LRRFIP1: variants seen among roughly 807,000 people sequenced by gnomAD.
LRRFIP1 encodes LRR binding FLII interacting protein 1.
In LRRFIP1, 62 loss-of-function variants were observed where a neutral mutation model predicts 104.4. The ratio of observed to expected loss-of-function variants is 0.59; its 90% CI spans 0.48 to 0.73. LRRFIP1 has a LOEUF of 0.73. Ranked by LOEUF, LRRFIP1 falls within the 30% of genes least tolerant of loss-of-function variation. The probability of loss-of-function intolerance (pLI) is 0.00; values close to 1 mark genes in which losing one functional copy is unlikely to be tolerated. For synonymous variants in LRRFIP1, 300 were observed against 299.0 expected (o/e 1.00, Z -0.03); for missense variants, 796 against 824.5 (o/e 0.97, Z 0.42).
At chr2:237,723,696 T>C (rs2094616762) in intron 7 of LRRFIP1, 110 bp downstream of exon 7, 3 of 1,376,408 alleles carry the variant, frequency 2.2e-6, no homozygotes, top group South Asian at 1.2e-5. Flanking sequence ...AGTTTTTGCC[T>C]GGGGGGCTAT....
At chr2:237,656,417 A>G (rs1210592022) in intron 1 of LRRFIP1, among the ~76,000 whole-genome samples, 1 of 152,202 alleles carries the variant, frequency 6.6e-6, no homozygotes, top group Non-Finnish European at 1.5e-5. Context: ...CAATTTGTGA[A>G]ATATATGGTT....
At chr2:237,725,077 G>A (rs1278268528) in intron 7 of LRRFIP1, among the ~76,000 whole-genome samples, 1 of 152,308 alleles carries the variant, frequency 6.6e-6, no homozygotes. Flanking sequence ...ACAAGTTACC[G>A]TTTTCATAGG....
chr2:237,757,224 T>C (rs534443593), intron 16 of LRRFIP1, among the ~76,000 whole-genome samples: 15 of 152,348 alleles, frequency 9.8e-5, no homozygotes, highest in African/African-American at 2.2e-4. Context: ...GTTCTTTAAC[T>C]GCTGCCTTGA....
At chr2:237,692,584 G>C in intron 1 of LRRFIP1, 5 of 1,447,572 alleles carry the variant, frequency 3.5e-6, no homozygotes, top group Non-Finnish European at 4.6e-6. Context: ...GGGGCTTCCA[G>C]CTCGTTCCGA....
intron 11 of LRRFIP1, among the ~76,000 whole-genome samples, chr2:237,744,962 A>G (rs2057626852): frequency 1.3e-5 from 2 of 152,204 alleles, no homozygotes; most frequent in East Asian, 1.9e-4. Context: ...CACCTCCTCC[A>G]GGCCCCCACA....
chr2:237,692,425 C>G, intron 1 of LRRFIP1: 1 of 1,490,822 alleles, frequency 6.7e-7, no homozygotes, highest in Non-Finnish European at 9.0e-7. Flanking sequence ...CGAGCATTTC[C>G]CGCCGGGTGG....
In LRRFIP1 at chr2:237,772,859, C is replaced by T; in HGVS notation, c.1628-7C>T. ...TTAACAGATTTTCCTTCTCTTTCAACCTTTAGGGGATGCCAACAGACAGAT... is the reference window on the plus strand; with the variant it reads ...TTAACAGATTTTCCTTCTCTTTCAATCTTTAGGGGATGCCAACAGACAGAT... On this transcript the variant is annotated splice_region_variant and splice_polypyrimidine_tract_variant and intron_variant, in intron 21 of 23. Coordinates refer to ENST00000308482, the MANE Select transcript of LRRFIP1 (RefSeq NM_001137550.2). 5.6e-6 allele frequency: 9 copies of T among 1,608,144 alleles called. 1 individual carries two copies. The highest frequency in any genetic ancestry group is 1.7e-4 in the Middle Eastern group (1 of 6,050).
chr2:237,660,610 G>A (rs982687556), intron 1 of LRRFIP1, among the ~76,000 whole-genome samples: 7 of 152,234 alleles, frequency 4.6e-5, no homozygotes, highest in African/African-American at 1.7e-4. Flanking sequence ...CTACTCCCAT[G>A]ATATGAAATT....
chr2:237,651,892 C>T (rs1013812672), intron 1 of LRRFIP1, among the ~76,000 whole-genome samples: 1 of 152,214 alleles, frequency 6.6e-6, no homozygotes, highest in African/African-American at 2.4e-5. Context: ...GTACTTTGCA[C>T]GGGTAGCCTC....
intron 11 of LRRFIP1, among the ~76,000 whole-genome samples, chr2:237,747,742 G>A (rs2150581861): frequency 6.6e-6 from 1 of 152,174 alleles, no homozygotes. Flanking sequence ...GGCATGATGG[G>A]GAAAACATGA....
At position 237,763,171 on chromosome 2, in the gene LRRFIP1, G is replaced by A. The variant is rs758890170; in HGVS notation, c.1459+2966G>A. On this transcript the variant is annotated intron_variant, in intron 19 of 23. Transcript: ENST00000308482. ...ACCAGGAAGCAGCTGAGCCCAAGGA[G>A]GTTCCAGCGCACAGTACAGAAGTAG... 11 of 1,614,058 alleles carry A rather than the reference G, an allele frequency of 6.8e-6. No individual in the cohort carries two copies. In the Admixed American group the frequency reaches 1.8e-4, roughly 27 times the overall value.
chr2:237,666,785 TTCTTTC>T (rs2089385483), intron 1 of LRRFIP1, among the ~76,000 whole-genome samples: 36 of 57,082 alleles, frequency 6.3e-4, no homozygotes, highest in Non-Finnish European at 1.2e-3. Context: ...CTCTGTCTCT[TTCTTTC>T]TCTTTCTCTT....
chr2:237,778,574 CTTG>C (rs757795244), intron 23 of LRRFIP1, among the ~76,000 whole-genome samples: 36 of 152,226 alleles, frequency 2.4e-4, no homozygotes, highest in Admixed American at 2.0e-4. Context: ...AGGCTCAGCT[CTTG>C]TTGTTTGTGT....
chr2:237,698,363 GC>G (rs1490017610), intron 1 of LRRFIP1, among the ~76,000 whole-genome samples: 1 of 152,236 alleles, frequency 6.6e-6, no homozygotes, highest in Admixed American at 6.5e-5. Context: ...AGGTGACAGA[GC>G]CCAAGCTGGA....
At chr2:237,655,941 T>C (rs749764651) in intron 1 of LRRFIP1, among the ~76,000 whole-genome samples, 1 of 152,248 alleles carries the variant, frequency 6.6e-6, no homozygotes, top group African/African-American at 2.4e-5. Context: ...CTCTTATCTT[T>C]TGAAATGTGA....
At chr2:237,710,590 A>G (rs187953295) in intron 2 of LRRFIP1, among the ~76,000 whole-genome samples, 63 of 152,296 alleles carry the variant, frequency 4.1e-4, no homozygotes, top group African/African-American at 1.5e-3. Context: ...CCGGCCCCAT[A>G]TTAGAATTGA....
rs543204921 is a variant in LRRFIP1 at position 237,650,667 on chromosome 2, G to A, written c.96+22927G>A. 1.1e-4 allele frequency among the ~76,000 whole-genome samples: 16 copies of A among 152,340 alleles called. No individual in the cohort carries two copies. In the South Asian group the frequency reaches 1.9e-3, roughly 18 times the overall value. On this transcript the variant is annotated intron_variant, in intron 1 of 23. Coordinates refer to ENST00000308482, the MANE Select transcript of LRRFIP1 (RefSeq NM_001137550.2). ...CAGGCTGGACGTTGGCACAGTGACC[G>A]CAGGAGAGAAGAATGTTGCCAGACC...
intron 4 of LRRFIP1, among the ~76,000 whole-genome samples, chr2:237,718,056 A>C (rs528667455): frequency 6.6e-6 from 1 of 152,274 alleles, no homozygotes; most frequent in East Asian, 1.9e-4. Flanking sequence ...CTGACTGCTG[A>C]TGTCTCCTGG....
chr2:237,725,334 G>A (rs2094699921), intron 7 of LRRFIP1, among the ~76,000 whole-genome samples: 1 of 152,216 alleles, frequency 6.6e-6, no homozygotes, highest in African/African-American at 2.4e-5. Flanking sequence ...GAACAAGCCT[G>A]TGTACCACTT....
Sources: allele counts gnomAD v4.1 joint callset (sites outside exome capture counted in the v4.1 genomes callset), GRCh38; gene constraint gnomAD v4.1.1; transcripts MANE v1.5; gene names NCBI Gene and HGNC (gene_info 2026-07-23, HGNC 2026-07-21).